Variants in ARID1A observed in about 807,000 individuals in gnomAD.
ARID1A encodes AT-rich interactive domain-containing protein 1A.
In ARID1A, 20 loss-of-function variants were observed where a neutral mutation model predicts 212.6. The ratio of observed to expected loss-of-function variants is 0.09; its 90% CI spans 0.07 to 0.14. The LOEUF is 0.14. Ranked by LOEUF, ARID1A falls within the 10% of genes least tolerant of loss-of-function variation. The probability of loss-of-function intolerance (pLI) is 1.00; values close to 1 mark genes in which losing one functional copy is unlikely to be tolerated. For missense variants in ARID1A, 2,587 were observed against 3,059.0 expected (o/e 0.85, Z 3.64); for synonymous variants, 1,376 against 1,222.1 (o/e 1.13, Z -2.63).
At chr1:26,742,448 A>G (rs1570586282) in intron 4 of ARID1A, among the ~76,000 whole-genome samples, 1 of 152,138 alleles carries the variant, frequency 6.6e-6, no homozygotes, top group African/African-American at 2.4e-5. Flanking sequence ...CTTAGAACAT[A>G]CTGTCCTGGT....
intron 1 of ARID1A, among the ~76,000 whole-genome samples, chr1:26,718,317 G>A (rs909444563): frequency 3.3e-5 from 5 of 152,278 alleles, no homozygotes; most frequent in Admixed American, 2.6e-4. Flanking sequence ...CTGAAGTGTG[G>A]TACTACTATC....
intron 2 of ARID1A, 125 bp from the exon 3 acceptor site, chr1:26,731,026 TC>T: frequency 9.2e-7 from 1 of 1,086,676 alleles, no homozygotes; most frequent in Non-Finnish European, 1.3e-6. Flanking sequence ...ACCCTGGGCC[TC>T]CTAAGTATGA....
chr1:26,718,966 T>A (rs1424264653), intron 1 of ARID1A, among the ~76,000 whole-genome samples: 2 of 152,218 alleles, frequency 1.3e-5, no homozygotes, highest in Non-Finnish European at 2.9e-5. Flanking sequence ...TCTTATTGTA[T>A]GTAATGTTTT....
At chr1:26,776,024 G>GT (rs1352450314) in intron 19 of ARID1A, 4 of 432,010 alleles carry the variant, frequency 9.3e-6, no homozygotes, top group East Asian at 5.7e-5. Context: ...GTGTTTTTTT[G>GT]TTTTTTTAAT....
At chr1:26,737,353 A>G (rs1384337493) in intron 4 of ARID1A, among the ~76,000 whole-genome samples, 1 of 152,028 alleles carries the variant, frequency 6.6e-6, no homozygotes. Context: ...CCTGAGCTCA[A>G]GCAGTCTGCC....
chr1:26,761,301 C>T, intron 5 of ARID1A, 83 bp from the exon 6 acceptor site: 1 of 1,541,258 alleles, frequency 6.5e-7, no homozygotes, highest in South Asian at 1.2e-5. Flanking sequence ...CTTCATGAGC[C>T]ATTTCTAGCT....
At chr1:26,701,373 C>T (rs1423432830) in intron 1 of ARID1A, among the ~76,000 whole-genome samples, 1 of 152,116 alleles carries the variant, frequency 6.6e-6, no homozygotes, top group African/African-American at 2.4e-5. Context: ...GCTTTTATCT[C>T]TGGGTTTTTC....
rs2080268111 is a variant in ARID1A, at chr1:26,696,865, C to T, written c.462C>T (p.Tyr154=). ...CAGCCTACGGCTTCGGGCAACCCTACGGCCGGAGCCCGTCTGCCGTCGCCG... is the reference window on the plus strand; with the variant it reads ...CAGCCTACGGCTTCGGGCAACCCTATGGCCGGAGCCCGTCTGCCGTCGCCG... The part of the protein sequence containing the change: ...PPPAYGFGQP[Y]GRSPSAVAAA... Residue 154 remains tyrosine (Y), a synonymous_variant, in exon 1 of 20, where the codon TAC becomes TAT. Coordinates refer to ENST00000324856, the MANE Select transcript of ARID1A (RefSeq NM_006015.6). 1 of 1,354,772 alleles carries T rather than the reference C, an allele frequency of 7.4e-7. No individual in the cohort carries two copies. The highest frequency in any genetic ancestry group is 9.5e-7 in the Non-Finnish European group (1 of 1,055,190). 83.9% of individuals were successfully genotyped at this position (1,354,772 alleles called of 1,614,324 possible).
chr1:26,739,694 G>A (rs1021888148), intron 4 of ARID1A, among the ~76,000 whole-genome samples: 3 of 152,130 alleles, frequency 2.0e-5, no homozygotes, highest in East Asian at 1.9e-4. Context: ...CCTGGGTAAC[G>A]GAGCCCTTGC....
chr1:26,718,061 G>A (rs1356111253), intron 1 of ARID1A, among the ~76,000 whole-genome samples: 3 of 152,102 alleles, frequency 2.0e-5, no homozygotes, highest in African/African-American at 4.8e-5. Flanking sequence ...CGCAACCTCC[G>A]CTTCCCAGGT....
In ARID1A at chr1:26,697,405, G is replaced by A. The variant is rs2080281626; in HGVS notation, c.1002G>A (p.Ser334=). ...GAGKGPADMA[S]QCWGAAAAAA... ...GCAAGGGCCCGGCGGACATGGCCTC[G>A]CAGTGTTGGGGGGCTGCGGCGGCGG... Residue 334 remains serine, a synonymous_variant, in exon 1 of 20, where the codon TCG becomes TCA. Transcript: ENST00000324856. 3.0e-6 allele frequency: 4 copies of A among 1,338,730 alleles called. No individual in the cohort carries two copies. The highest frequency in any genetic ancestry group is 4.1e-5 in the Admixed American group (1 of 24,144). 82.9% of individuals were successfully genotyped at this position (1,338,730 alleles called of 1,614,324 possible).
At chr1:26,753,760 A>G (rs1443382047) in intron 4 of ARID1A, among the ~76,000 whole-genome samples, 1 of 152,232 alleles carries the variant, frequency 6.6e-6, no homozygotes, top group Non-Finnish European at 1.5e-5. Context: ...CAGTCCTTCC[A>G]GAAGATGCCT....
intron 3 of ARID1A, among the ~76,000 whole-genome samples, chr1:26,732,076 T>A (rs532718635): frequency 4.7e-4 from 71 of 152,326 alleles, no homozygotes; most frequent in African/African-American, 1.6e-3. Context: ...ACCACATTCT[T>A]TAGAATACTC....
chr1:26,771,417 G>A lies in ARID1A; in HGVS notation c.3406+91G>A, dbSNP rs1015401903. On this transcript the variant is annotated intron_variant, in intron 12 of 19. Coordinates refer to ENST00000324856, the MANE Select transcript of ARID1A (RefSeq NM_006015.6). The surrounding 1 kb of genome is among the most constrained non-coding windows in gnomAD (Gnocchi z 5.4). The stretch of plus-strand genomic sequence containing the variant: ...ATATGAATAAGAGGCTTATCCAACA[G>A]GATATGCCAAGGATCTGTGCTCTGC... 1 of 1,353,514 alleles carries A rather than the reference G, an allele frequency of 7.4e-7. No individual in the cohort carries two copies. The highest frequency in any genetic ancestry group is 2.4e-5 in the East Asian group (1 of 41,356). 83.8% of individuals were successfully genotyped at this position (1,353,514 alleles called of 1,614,324 possible).
intron 1 of ARID1A, among the ~76,000 whole-genome samples, chr1:26,713,041 C>T (rs1016743624): frequency 6.6e-6 from 1 of 152,218 alleles, no homozygotes; most frequent in South Asian, 2.1e-4. Flanking sequence ...TGGGACCTAG[C>T]TGCAATGAAG....
At chr1:26,738,148 C>G (rs2080752298) in intron 4 of ARID1A, among the ~76,000 whole-genome samples, 2 of 151,578 alleles carry the variant, frequency 1.3e-5, no homozygotes, top group South Asian at 4.2e-4. Context: ...CTCAGCCTCC[C>G]AGGTAGCTGG....
At chr1:26,775,937 G>A in intron 19 of ARID1A, 1 of 680,696 alleles carries the variant, frequency 1.5e-6, no homozygotes, top group South Asian at 1.5e-5. Context: ...AAGGAATTTG[G>A]GAGACACTTT....
At chr1:26,762,090 A>T (rs1242492156) in intron 6 of ARID1A, 62 bp from the exon 7 acceptor site, 1 of 1,486,112 alleles carries the variant, frequency 6.7e-7, no homozygotes, top group Non-Finnish European at 9.1e-7. Flanking sequence ...CAGGATAAGG[A>T]TGGAGAGCAT....
rs1344419921 is a variant in ARID1A, at chr1:26,774,578, C to T, written c.4351C>T (p.Pro1451Ser). 5 of 1,614,192 alleles carry T rather than the reference C, an allele frequency of 3.1e-6. No homozygotes were observed. Among genetic ancestry groups the T allele is most frequent in the Non-Finnish European group, 4.2e-6 (5 of 1,180,028 alleles). Residue 1451 changes from proline (P) to serine (S), a missense_variant, in exon 18 of 20, where the codon CCC becomes TCC. Coordinates refer to ENST00000324856, the MANE Select transcript of ARID1A (RefSeq NM_006015.6). The surrounding 1 kb of genome is among the most constrained non-coding windows in gnomAD (Gnocchi z 5.6). ...TACTGAGCGCCGACCAGCAGGCGGC[C>T]CCCAGAACCAATTTCCATTCCAGTT... The part of the protein sequence containing the change: ...AATERRPAGG[P>S]QNQFPFQFGR...
Sources: gnomAD v4.1 joint callset for allele counts (sites outside exome capture counted in the v4.1 genomes callset) on GRCh38, gnomAD v4.1.1 for gene constraint, Gnocchi (gnomAD v3.1) non-coding constraint, MANE v1.5 for transcripts, NCBI Gene and HGNC (gene_info 2026-07-23, HGNC 2026-07-21) for gene names.